The following LMO3 variants were observed in gnomAD, a reference collection of about 807,000 sequenced individuals.
LMO3 encodes the protein LIM domain only protein 3.
LMO3 carries 2 observed loss-of-function variants against 15.8 expected under a neutral mutation model. That is an observed-to-expected ratio of 0.13 (90% confidence interval 0.05 to 0.40). The LOEUF is 0.40. Among genes scored for constraint, LMO3 ranks in the 10% least tolerant of loss-of-function variants. The probability of loss-of-function intolerance (pLI) is 0.99; values close to 1 mark genes in which losing one functional copy is unlikely to be tolerated. For missense variants in LMO3, 86 were observed against 182.2 expected (o/e 0.47, Z 3.04); for synonymous variants, 62 against 63.8 (o/e 0.97, Z 0.13).
Position 16,578,478 on chromosome 12 carries a change from T to C in LMO3, c.207-17940A>G, listed in dbSNP as rs1279748587. On this transcript the variant is annotated intron_variant, in intron 2 of 3. Coordinates refer to ENST00000537304, the MANE Select transcript of LMO3 (RefSeq NM_018640.5). ...GAGTAGATGGTCTCAGGCTGGCCCA[T>C]GCTCAGGTCTGACCTTAGGTATAAA... Among the ~76,000 whole-genome samples, 6 of 152,150 alleles carry C rather than the reference T, an allele frequency of 3.9e-5. 1 individual carries two copies. Among genetic ancestry groups the C allele is most frequent in the Admixed American group, 3.9e-4 (6 of 15,264 alleles).
In LMO3 at chr12:16,587,832, C is replaced by A. The variant is rs972047877; in HGVS notation, c.206+12823G>T. ...GGGGTTTCAGGGGGAGGGAGAGGAA[C>A]CTTGTCTCATATTAATGCTGCCAGT... On this transcript the variant is annotated intron_variant, in intron 2 of 3. Coordinates refer to ENST00000537304, the MANE Select transcript of LMO3 (RefSeq NM_018640.5). This position sits in a 1 kb window ranked among gnomAD's most constrained non-coding sequence, Gnocchi z 4.3. Among the ~76,000 whole-genome samples, 13 of 151,942 alleles carry A rather than the reference C, an allele frequency of 8.6e-5. No individual in the cohort carries two copies. The highest frequency in any genetic ancestry group is 2.1e-4 in the South Asian group (1 of 4,814).
At position 16,560,096 on chromosome 12, in the gene LMO3, A is replaced by G; in HGVS notation, c.332+317T>C. 6.6e-6 allele frequency among the ~76,000 whole-genome samples: 1 copy of G among 152,228 alleles called. No individual in the cohort carries two copies. Among genetic ancestry groups the G allele is most frequent in the East Asian group, 1.9e-4 (1 of 5,208 alleles). On this transcript the variant is annotated intron_variant, in intron 3 of 3. Coordinates refer to ENST00000537304, the MANE Select transcript of LMO3 (RefSeq NM_018640.5). This position sits in a 1 kb window ranked among gnomAD's most constrained non-coding sequence, Gnocchi z 5.0. ...TTTACTCACATAAGTAGTATAAAAA[A>G]GTAGATATTTAAAACTACTTTTAAA...
In LMO3 at chr12:16,564,864, C is replaced by T. The variant is rs189937262; in HGVS notation, c.207-4326G>A. On this transcript the variant is annotated intron_variant, in intron 2 of 3. Transcript: ENST00000537304. ...GCAGTGGTGTGACCATGAGTCACTG[C>T]AGCCTTGACCTCCTAGGCTTAAGTG... Among the ~76,000 whole-genome samples the T allele has an allele frequency of 5.3e-5, 8 of 152,258 alleles. No individual in the cohort carries two copies. The East Asian group carries it at 5.8e-4, about 11-fold the overall frequency.
rs1943925796 is a variant in LMO3, at chr12:16,604,532, A to C, written c.-9+1534T>G. 2 of 278,458 alleles carry C rather than the reference A, an allele frequency of 7.2e-6. No homozygotes were observed. The highest frequency in any genetic ancestry group is 1.4e-5 in the Non-Finnish European group (2 of 147,890). The allele number at this position is 278,458 out of a possible 1,614,324, so 17.2% of individuals were successfully genotyped here. A position where few individuals can be genotyped will look rare whatever the true frequency, so the allele number is the denominator to read the frequency against. On this transcript the variant is annotated intron_variant, in intron 1 of 3. Transcript: ENST00000537304. The surrounding 1 kb of genome is among the most constrained non-coding windows in gnomAD (Gnocchi z 5.3). ...GGCCAACAAGAGATTTGCAAGACTGAGTTCAATTTTGATGCAGCTCACATG... is the reference window on the plus strand; with the variant it reads ...GGCCAACAAGAGATTTGCAAGACTGCGTTCAATTTTGATGCAGCTCACATG...
Position 16,604,777 on chromosome 12 carries a change from C to G in LMO3, c.-9+1289G>C. 2.1e-6 allele frequency: 3 copies of G among 1,423,184 alleles called. No individual in the cohort carries two copies. Among genetic ancestry groups the G allele is most frequent in the Non-Finnish European group, 2.9e-6 (3 of 1,023,862 alleles). The allele number at this position is 1,423,184 out of a possible 1,614,324, so 88.2% of individuals were successfully genotyped here. On this transcript the variant is annotated intron_variant, in intron 1 of 3. Transcript: ENST00000537304. This position sits in a 1 kb window ranked among gnomAD's most constrained non-coding sequence, Gnocchi z 5.3. ...ATATTTCGGTTCTTTCAGAAAGACA[C>G]AAAAGCAGCGGAAAAGCAGAAAGGC...
intron 1 of LMO3, 134 bp from the exon 2 acceptor site, chr12:16,601,002 A>G: frequency 1.5e-6 from 1 of 666,842 alleles, no homozygotes; most frequent in South Asian, 2.3e-5. Context: ...TACTGAAATC[A>G]AACCCAATTT....
chr12:16,577,362 T>C (rs2137502898), intron 2 of LMO3, among the ~76,000 whole-genome samples: 1 of 152,310 alleles, frequency 6.6e-6, no homozygotes, highest in Admixed American at 6.5e-5. Flanking sequence ...GCCTCCTAAA[T>C]AAGCTGAGTT....
chr12:16,592,404 G>C (rs1047143674), intron 2 of LMO3, among the ~76,000 whole-genome samples: 2 of 151,944 alleles, frequency 1.3e-5, no homozygotes, highest in South Asian at 4.1e-4. Flanking sequence ...TAATTTCTTT[G>C]TATCTCCCAA....
At chr12:16,579,694 C>A (rs1465645728) in intron 2 of LMO3, among the ~76,000 whole-genome samples, 1 of 152,184 alleles carries the variant, frequency 6.6e-6, no homozygotes, top group African/African-American at 2.4e-5. Context: ...GCCTACTAGG[C>A]ACTCAGTAAG....
intron 2 of LMO3, among the ~76,000 whole-genome samples, chr12:16,592,672 T>C (rs1018831724): frequency 6.6e-6 from 1 of 151,922 alleles, no homozygotes; most frequent in African/African-American, 2.4e-5. Context: ...ATTGAGCAGC[T>C]AATAAACAAA....
chr12:16,583,807 T>C (rs937366884), intron 2 of LMO3, among the ~76,000 whole-genome samples: 3 of 152,112 alleles, frequency 2.0e-5, no homozygotes, highest in Non-Finnish European at 1.5e-5. Context: ...ACACAGAAGA[T>C]GGAAGTGAAG....
chr12:16,601,768 G>C lies in LMO3; in HGVS notation c.-8-900C>G, dbSNP rs200226930. On this transcript the variant is annotated intron_variant, in intron 1 of 3. Transcript: ENST00000537304. The stretch of plus-strand genomic sequence containing the variant: ...ATAGAAACATTTATATATTTTAAAG[G>C]TATAAATCCATCATAAATAAGGAAT... 3.3e-5 allele frequency: 5 copies of C among 152,018 alleles called. No homozygotes were observed. The East Asian group carries it at 9.7e-4, about 29-fold the overall frequency. 9.4% of individuals were successfully genotyped at this position (152,018 alleles called of 1,614,324 possible). A position where few individuals can be genotyped will look rare whatever the true frequency, so the allele number is the denominator to read the frequency against.
intron 2 of LMO3, among the ~76,000 whole-genome samples, chr12:16,564,086 TC>T (rs1942501916): frequency 6.6e-6 from 1 of 152,210 alleles, no homozygotes; most frequent in Non-Finnish European, 1.5e-5. Context: ...TCTGTAGAAA[TC>T]CCAGAGATGT....
chr12:16,581,320 A>G (rs939431438), intron 2 of LMO3, among the ~76,000 whole-genome samples: 1 of 152,168 alleles, frequency 6.6e-6, no homozygotes, highest in Non-Finnish European at 1.5e-5. Context: ...AACTTTGACT[A>G]AATGACTTAA....
At chr12:16,562,495 G>T (rs905919996) in intron 2 of LMO3, among the ~76,000 whole-genome samples, 2 of 151,992 alleles carry the variant, frequency 1.3e-5, no homozygotes, top group African/African-American at 2.4e-5. Flanking sequence ...AATTGCTCTC[G>T]CTAGCTGAGC....
At position 16,586,511 on chromosome 12, in the gene LMO3, G is replaced by GA. The variant is rs1281002570; in HGVS notation, c.206+14143dup. On this transcript the variant is annotated intron_variant, in intron 2 of 3. Transcript: ENST00000537304. The surrounding 1 kb of genome is among the most constrained non-coding windows in gnomAD (Gnocchi z 4.3). ...CTAAGCATTATCTTCTACGTCCACA[G>GA]AAAAAAATCTGTTGTATAATATTGT... is the stretch of plus-strand genomic sequence containing the variant. Among the ~76,000 whole-genome samples the GA allele has an allele frequency of 5.3e-5, 8 of 152,056 alleles. No homozygotes were observed. Among genetic ancestry groups the GA allele is most frequent in the African/African-American group, 1.7e-4 (7 of 41,410 alleles).
At chr12:16,592,628 C>A (rs1943529607) in intron 2 of LMO3, among the ~76,000 whole-genome samples, 1 of 151,848 alleles carries the variant, frequency 6.6e-6, no homozygotes, top group Non-Finnish European at 1.5e-5. Context: ...ATGTTACCAA[C>A]TTTATACATA....
In LMO3 at chr12:16,599,324, C is replaced by G. The variant is rs1211467217; in HGVS notation, c.206+1331G>C. 3 of 152,192 alleles carry G rather than the reference C, an allele frequency of 2.0e-5. No homozygotes were observed. The highest frequency in any genetic ancestry group is 2.9e-5 in the Non-Finnish European group (2 of 68,068). 9.4% of individuals were successfully genotyped at this position (152,192 alleles called of 1,614,324 possible). A position where few individuals can be genotyped will look rare whatever the true frequency, so the allele number is the denominator to read the frequency against. ...GTAGTAACAAGTGGCCATAATTAGTCAGGAGGCTGTCAGATGAGGCCGTCC... is the reference window on the plus strand; with the variant it reads ...GTAGTAACAAGTGGCCATAATTAGTGAGGAGGCTGTCAGATGAGGCCGTCC... On this transcript the variant is annotated intron_variant, in intron 2 of 3. Transcript: ENST00000537304. This position sits in a 1 kb window ranked among gnomAD's most constrained non-coding sequence, Gnocchi z 4.1.
At chr12:16,563,160 G>A (rs1285921957) in intron 2 of LMO3, among the ~76,000 whole-genome samples, 2 of 152,136 alleles carry the variant, frequency 1.3e-5, no homozygotes, top group Admixed American at 1.3e-4. Flanking sequence ...TCTTACAAGG[G>A]AACATTTTAC....
Sources: allele counts gnomAD v4.1 joint callset (sites outside exome capture counted in the v4.1 genomes callset), GRCh38; gene constraint gnomAD v4.1.1; non-coding constraint Gnocchi (gnomAD v3.1); transcripts MANE v1.5; gene names NCBI Gene and HGNC (gene_info 2026-07-23, HGNC 2026-07-21).